Variants in KIAA1217 observed in about 807,000 individuals in gnomAD.
The protein encoded by KIAA1217 is sickle tail protein homolog.
Under a neutral mutation model 163.9 loss-of-function variants are expected in KIAA1217, and 88 were observed. The ratio of observed to expected loss-of-function variants is 0.54; its 90% CI spans 0.45 to 0.64. The LOEUF is 0.64. KIAA1217 is among the 30% of genes least tolerant of loss of function. KIAA1217 has a pLI of 0.00. For missense variants in KIAA1217, 2,372 were observed against 2,475.0 expected (o/e 0.96, Z 0.88); for synonymous variants, 903 against 923.1 (o/e 0.98, Z 0.39).
At chr10:24,189,566 TA>T (rs2066615236) in intron 2 of KIAA1217, among the ~76,000 whole-genome samples, 1 of 152,180 alleles carries the variant, frequency 6.6e-6, no homozygotes, top group African/African-American at 2.4e-5. Flanking sequence ...GCTGATACCC[TA>T]TAACAAAAGA....
intron 2 of KIAA1217, among the ~76,000 whole-genome samples, chr10:24,198,429 C>T (rs372061363): frequency 1.6e-4 from 25 of 151,948 alleles, no homozygotes; most frequent in African/African-American, 5.8e-4. Context: ...GCCAACACGG[C>T]AAAACTCCAT....
intron 14 of KIAA1217, among the ~76,000 whole-genome samples, chr10:24,528,324 T>TTG (rs2072546845): frequency 6.6e-6 from 1 of 150,568 alleles, no homozygotes; most frequent in South Asian, 2.1e-4. Flanking sequence ...TTTTTTTTGT[T>TTG]TTTTTTTTTG....
intron 5 of KIAA1217, among the ~76,000 whole-genome samples, chr10:24,443,384 A>G (rs1371584815): frequency 6.6e-6 from 1 of 152,138 alleles, no homozygotes; most frequent in Non-Finnish European, 1.5e-5. Context: ...TATAGCCTTC[A>G]TTATCTCTCT....
chr10:23,904,083 A>T (rs1842055532), intron 1 of KIAA1217, among the ~76,000 whole-genome samples: 2 of 152,166 alleles, frequency 1.3e-5, no homozygotes, highest in Admixed American at 1.3e-4. Flanking sequence ...CTACAAACTG[A>T]ATGACTTTTT....
intron 2 of KIAA1217, among the ~76,000 whole-genome samples, chr10:24,222,572 G>GCAACCTCCACTCACTT (rs1353277410): frequency 1.3e-5 from 2 of 152,112 alleles, no homozygotes; most frequent in Non-Finnish European, 2.9e-5. Context: ...TTGGCTCACT[G>GCAACCTCCACTCACTT]CAACCTCCAC....
At chr10:23,910,431 A>G (rs910362278) in intron 1 of KIAA1217, among the ~76,000 whole-genome samples, 1 of 152,146 alleles carries the variant, frequency 6.6e-6, no homozygotes, top group African/African-American at 2.4e-5. Context: ...GAGGACTCCC[A>G]AGGAAACCTC....
intron 2 of KIAA1217, among the ~76,000 whole-genome samples, chr10:24,335,493 T>G (rs2046229581): frequency 6.6e-6 from 1 of 151,906 alleles, no homozygotes; most frequent in Non-Finnish European, 1.5e-5. Context: ...ATGAAAAAGA[T>G]GATCTAAAAT....
chr10:23,770,078 A>G (rs1019054262), intron 1 of KIAA1217, among the ~76,000 whole-genome samples: 2 of 152,348 alleles, frequency 1.3e-5, no homozygotes, highest in South Asian at 2.1e-4. Context: ...GTACAATGGG[A>G]CAAGTTCATA....
At chr10:23,766,652 A>G (rs7070226) in intron 1 of KIAA1217, among the ~76,000 whole-genome samples, 40,617 of 148,532 alleles carry the variant, frequency 0.27, 6,745 homozygotes, top group African/African-American at 0.47. Flanking sequence ...GCAATGGCAC[A>G]ATCTTGGCTC....
chr10:23,751,846 G>T (rs1483353788), intron 1 of KIAA1217, among the ~76,000 whole-genome samples: 3 of 152,196 alleles, frequency 2.0e-5, no homozygotes, highest in Non-Finnish European at 1.5e-5. Flanking sequence ...TGGGAGAGAA[G>T]CTGTTCAGGC....
At chr10:24,493,628 A>G (rs967387963) in intron 6 of KIAA1217, among the ~76,000 whole-genome samples, 1 of 152,222 alleles carries the variant, frequency 6.6e-6, no homozygotes, top group African/African-American at 2.4e-5. Flanking sequence ...GTATATGGAA[A>G]TCATTGGGAA....
At chr10:24,541,142 A>G (rs10828669) in intron 17 of KIAA1217, among the ~76,000 whole-genome samples, 55,061 of 149,210 alleles carry the variant, frequency 0.37, 10,792 homozygotes, top group Middle Eastern at 0.48. Context: ...TCGAACTCCT[A>G]GACTCAAGCA....
intron 1 of KIAA1217, among the ~76,000 whole-genome samples, chr10:23,884,057 C>T (rs1353512279): frequency 6.6e-6 from 1 of 151,878 alleles, no homozygotes; most frequent in African/African-American, 2.4e-5. Context: ...ATAAATAAGG[C>T]TATTAGACAC....
chr10:24,026,873 G>C (rs1385021984), intron 2 of KIAA1217, among the ~76,000 whole-genome samples: 1 of 149,784 alleles, frequency 6.7e-6, no homozygotes, highest in African/African-American at 2.5e-5. Flanking sequence ...AATAGTTATG[G>C]TATAAGCTAT....
intron 6 of KIAA1217, 151 bp downstream of exon 6, chr10:24,474,211 A>G (rs2063787912): frequency 1.6e-6 from 1 of 636,124 alleles, no homozygotes; most frequent in African/African-American, 1.8e-5. Context: ...GAGTGGTGTC[A>G]AAGCCACCAT....
chr10:24,309,282 A>T (rs1345224546), intron 2 of KIAA1217, among the ~76,000 whole-genome samples: 2 of 151,706 alleles, frequency 1.3e-5, no homozygotes, highest in African/African-American at 4.9e-5. Context: ...TGGTATGAGG[A>T]TGGGGTCTTT....
chr10:24,143,425 C>G (rs926922952), intron 2 of KIAA1217, among the ~76,000 whole-genome samples: 1 of 152,126 alleles, frequency 6.6e-6, no homozygotes, highest in Non-Finnish European at 1.5e-5. Flanking sequence ...TGCCACCACA[C>G]CCAGCTAATT....
intron 1 of KIAA1217, among the ~76,000 whole-genome samples, chr10:23,931,543 G>A (rs902411856): frequency 8.5e-5 from 13 of 152,234 alleles, no homozygotes; most frequent in African/African-American, 3.1e-4. Context: ...TAGGAATTAT[G>A]TCTAATAATC....
chr10:24,279,566 A>G (rs2077683467), intron 2 of KIAA1217, among the ~76,000 whole-genome samples: 1 of 152,186 alleles, frequency 6.6e-6, no homozygotes, highest in Admixed American at 6.5e-5. Context: ...GAAAGTTATT[A>G]TAAACCAAAG....
Sources: allele counts gnomAD v4.1 joint callset (sites outside exome capture counted in the v4.1 genomes callset), GRCh38; gene constraint gnomAD v4.1.1; transcripts MANE v1.5; gene names NCBI Gene and HGNC (gene_info 2026-07-23, HGNC 2026-07-21).